HOPX: variants seen among roughly 807,000 people sequenced by gnomAD.
The protein encoded by HOPX is HOP homeobox, also known as homeodomain-only protein.
In HOPX, 5 loss-of-function variants were observed where a neutral mutation model predicts 11.8. The observed-to-expected ratio is 0.43, with a 90% CI of 0.22 to 0.89. HOPX has a LOEUF of 0.89. Ranked by LOEUF, HOPX falls within the 40% of genes least tolerant of loss-of-function variation. The pLI is 0.28. For missense variants in HOPX, 119 were observed against 120.0 expected, an observed-to-expected ratio of 0.99 and a Z score of 0.04; for synonymous variants, 49 against 49.7, an observed-to-expected ratio of 0.99 and a Z score of 0.06.
chr4:56,657,946 C>T (rs1717870386), intron 1 of HOPX, 47 bp from the exon 2 acceptor site: 2 of 1,526,798 alleles, frequency 1.3e-6, no homozygotes, highest in African/African-American at 1.4e-5. Context: ...CAGGCAGGAG[C>T]TCATTGCCAT....
At chr4:56,670,462 T>C (rs1213990731) in intron 1 of HOPX, among the ~76,000 whole-genome samples, 1 of 152,178 alleles carries the variant, frequency 6.6e-6, no homozygotes, top group East Asian at 1.9e-4. Flanking sequence ...ACTTTCTAAA[T>C]AGTTTGCAGA....
At chr4:56,654,058 T>C (rs780162155) in intron 3 of HOPX, among the ~76,000 whole-genome samples, 1 of 152,182 alleles carries the variant, frequency 6.6e-6, no homozygotes, top group Non-Finnish European at 1.5e-5. Flanking sequence ...GCCTCCTCTG[T>C]AGAGAGAGCA....
chr4:56,671,966 G>A (rs1335354015), intron 1 of HOPX, among the ~76,000 whole-genome samples: 1 of 152,032 alleles, frequency 6.6e-6, no homozygotes, highest in Admixed American at 6.5e-5. Flanking sequence ...CCATGAGATG[G>A]ATTATGTTTA....
rs1455784294 is a variant in HOPX, at chr4:56,655,957, T to G, written c.98A>C (p.Glu33Ala). 1 of 1,610,926 alleles carries G rather than the reference T, an allele frequency of 6.2e-7. No individual in the cohort carries two copies. The highest frequency in any genetic ancestry group is 1.1e-5 in the South Asian group (1 of 90,234). The change falls in exon 3 of 4, where the codon GAA (glutamate) becomes GCA (alanine). Residue 33 changes from glutamate (E) to alanine (A), a missense_variant. Transcript: ENST00000420433. ...TASGPTEDQV[E>A]ILEYNFNKVD... is the part of the protein sequence containing the mutation. ...CTTGTTGAAGTTGTACTCCAGGATT[T>G]CCACCTGGTCCTCTGTGGGGCCGCT...
chr4:56,655,801 G>A (rs1451092103), intron 3 of HOPX, 56 bp downstream of exon 3: 5 of 1,539,192 alleles, frequency 3.2e-6, no homozygotes, highest in Admixed American at 1.9e-5. Context: ...GCCCAGCCGC[G>A]AGAAGGCTCA....
At chr4:56,651,771 C>T (rs911658967) in intron 3 of HOPX, among the ~76,000 whole-genome samples, 3 of 151,428 alleles carry the variant, frequency 2.0e-5, no homozygotes, top group African/African-American at 7.3e-5. Context: ...CTCAGGACAT[C>T]AAGAGGAGAT....
At chr4:56,656,285 G>A (rs539542910) in intron 2 of HOPX, 2 of 1,152,618 alleles carry the variant, frequency 1.7e-6, no homozygotes, top group East Asian at 4.4e-5. Context: ...CCCCTTGCAG[G>A]AACTGTATCC....
chr4:56,668,219 C>T (rs572188307), intron 1 of HOPX, among the ~76,000 whole-genome samples: 9 of 152,014 alleles, frequency 5.9e-5, no homozygotes, highest in Admixed American at 2.6e-4. Context: ...AGCCACCACA[C>T]GCGGCCAAAC....
intron 1 of HOPX, among the ~76,000 whole-genome samples, chr4:56,661,684 C>G (rs1718147148): frequency 6.6e-6 from 1 of 152,182 alleles, no homozygotes; most frequent in South Asian, 2.1e-4. Context: ...TCTAAGCCTT[C>G]TTGAAGCTAT....
chr4:56,670,385 A>G (rs1176525526), intron 1 of HOPX, among the ~76,000 whole-genome samples: 1 of 152,228 alleles, frequency 6.6e-6, no homozygotes, highest in Non-Finnish European at 1.5e-5. Context: ...ATATTTTCTA[A>G]AGAGAACCTT....
At position 56,656,009 on chromosome 4, in the gene HOPX, CG is replaced by C; in HGVS notation, c.45del (p.Ala16GlnfsTer88). The stretch of plus-strand genomic sequence containing the variant: ...GCGGTCTCCGCCGACATGGTCCCTG[CG>C]CGCTGCGGGGCAGGGAGAAGCGGCG... ...LGCYRRRLEE[R>X]AGTMSAETAS... On this transcript the variant is annotated frameshift_variant and splice_region_variant, in exon 3 of 4. Coordinates refer to ENST00000420433, the MANE Select transcript of HOPX (RefSeq NM_032495.6). LOFTEE classifies it high-confidence loss of function. 2 of 1,592,498 alleles carry C rather than the reference CG, an allele frequency of 1.3e-6. No individual in the cohort carries two copies. Among genetic ancestry groups the C allele is most frequent in the Admixed American group, 3.4e-5 (2 of 58,082 alleles).
chr4:56,667,528 C>G (rs1358052139), intron 1 of HOPX, among the ~76,000 whole-genome samples: 1 of 152,086 alleles, frequency 6.6e-6, no homozygotes, highest in African/African-American at 2.4e-5. Flanking sequence ...ACCGTATTGA[C>G]AATAACCAAA....
At chr4:56,656,859 G>A (rs767040648) in intron 2 of HOPX, among the ~76,000 whole-genome samples, 5 of 152,154 alleles carry the variant, frequency 3.3e-5, no homozygotes, top group Admixed American at 6.5e-5. Context: ...CACAATTTAC[G>A]GCAAAGAGCC....
rs33940899 is a variant in HOPX at position 56,674,916 on chromosome 4, TAA to T, written c.-84+6337_-84+6338del. Among the ~76,000 whole-genome samples, 570 of 121,724 alleles carry T rather than the reference TAA, an allele frequency of 4.7e-3. 9 individuals carry two copies. The highest frequency in any genetic ancestry group is 9.6e-3 in the African/African-American group (295 of 30,862). 79.9% of individuals were successfully genotyped at this position (121,724 alleles called of 152,430 possible). ...GTGTGTGCCACTATGTCTGGCTAAC[TAA>T]AAAAAAAAAAAAAAAAAATGTAGAG... On this transcript the variant is annotated intron_variant, in intron 1 of 3. Transcript: ENST00000420433.
chr4:56,674,261 A>G (rs182806170), intron 1 of HOPX, among the ~76,000 whole-genome samples: 28 of 151,862 alleles, frequency 1.8e-4, no homozygotes, highest in Admixed American at 1.8e-3. Flanking sequence ...ATTAAATTAA[A>G]TATTAGCCAC....
chr4:56,656,153 G>T, intron 2 of HOPX, 141 bp from the exon 3 acceptor site: 2 of 1,155,844 alleles, frequency 1.7e-6, no homozygotes, highest in Non-Finnish European at 2.2e-6. Flanking sequence ...GCAAGTCCCC[G>T]GTGGCTGCAC....
chr4:56,676,001 A>ATTC (rs1560376090), intron 1 of HOPX, among the ~76,000 whole-genome samples: 2 of 151,898 alleles, frequency 1.3e-5, no homozygotes, highest in Non-Finnish European at 2.9e-5. Flanking sequence ...ATGTTTTAAA[A>ATTC]GTCAAAGGAA....
intron 1 of HOPX, among the ~76,000 whole-genome samples, chr4:56,658,478 A>G (rs1414358576): frequency 6.6e-6 from 1 of 152,214 alleles, no homozygotes; most frequent in African/African-American, 2.4e-5. Context: ...TCCAAGGTAC[A>G]CCAAGCAAAC....
At chr4:56,648,848 A>G in intron 3 of HOPX, 51 bp from the exon 4 acceptor site, 3 of 1,398,924 alleles carry the variant, frequency 2.1e-6, no homozygotes, top group Non-Finnish European at 3.0e-6. Flanking sequence ...AAAAACTGAA[A>G]TGCCTGTTCC....
Sources: allele counts gnomAD v4.1 joint callset (sites outside exome capture counted in the v4.1 genomes callset), GRCh38; gene constraint gnomAD v4.1.1; transcripts MANE v1.5; gene names NCBI Gene and HGNC (gene_info 2026-07-23, HGNC 2026-07-21).